The following VDAC1 variants were observed in gnomAD, a reference collection of about 807,000 sequenced individuals.
The protein encoded by VDAC1 is voltage dependent anion channel 1, also known as non-selective voltage-gated ion channel VDAC1.
In VDAC1, 10 loss-of-function variants were observed where a neutral mutation model predicts 34.7. The ratio of observed to expected loss-of-function variants is 0.29; its 90% CI spans 0.18 to 0.49. The LOEUF (loss-of-function observed/expected upper bound fraction) is 0.49. Ranked by LOEUF, VDAC1 falls within the 20% of genes least tolerant of loss-of-function variation. The pLI, the probability that VDAC1 is intolerant of heterozygous loss-of-function variation, is 0.99. For synonymous variants in VDAC1, 130 were observed against 136.0 expected (o/e 0.96, Z 0.30); for missense variants, 230 against 347.9 (o/e 0.66, Z 2.69).
the VDAC1 span, among the ~76,000 whole-genome samples, chr5:134,039,518 CG>C: frequency 0.69 from 104,624 of 151,292 alleles, 36,630 homozygotes; most frequent in Non-Finnish European, 0.76. Context: ...TTAGTAGAGA[CG>C]GGGGTTTCAC....
At chr5:134,018,031 C>G in the VDAC1 span, among the ~76,000 whole-genome samples, 1 of 152,190 alleles carries the variant, frequency 6.6e-6, no homozygotes, top group Non-Finnish European at 1.5e-5. Context: ...TGTGTTAGTC[C>G]GTGTTTGTGT....
At chr5:134,102,745 T>A in the VDAC1 span, among the ~76,000 whole-genome samples, 1 of 152,184 alleles carries the variant, frequency 6.6e-6, no homozygotes, top group Non-Finnish European at 1.5e-5. Flanking sequence ...ATTCATGACA[T>A]GGGTGCTCTG....
intron 1 of VDAC1, among the ~76,000 whole-genome samples, chr5:133,995,594 C>G (rs2126993543): frequency 6.6e-6 from 1 of 152,206 alleles, no homozygotes; most frequent in African/African-American, 2.4e-5. Context: ...TCACTAAAGG[C>G]CCCCAACTGC....
At chr5:134,059,816 G>A in the VDAC1 span, among the ~76,000 whole-genome samples, 4 of 151,620 alleles carry the variant, frequency 2.6e-5, no homozygotes, top group Admixed American at 6.6e-5. Context: ...CAAATTTGAT[G>A]TCTTGTTTGG....
intron 1 of VDAC1, among the ~76,000 whole-genome samples, chr5:134,003,435 C>A (rs1012657604): frequency 6.6e-6 from 1 of 152,232 alleles, no homozygotes; most frequent in African/African-American, 2.4e-5. Context: ...TCTGCTCCTG[C>A]ATTCAAGATC....
At chr5:133,998,154 T>C (rs1753405412) in intron 1 of VDAC1, among the ~76,000 whole-genome samples, 1 of 151,912 alleles carries the variant, frequency 6.6e-6, no homozygotes, top group Non-Finnish European at 1.5e-5. Context: ...TTCCATGTAA[T>C]TGGAGGAAAA....
chr5:134,047,230 A>T, the VDAC1 span, among the ~76,000 whole-genome samples: 23 of 152,244 alleles, frequency 1.5e-4, no homozygotes, highest in African/African-American at 5.5e-4. Flanking sequence ...TTGCATGAAA[A>T]GCCGCCTGCT....
chr5:134,006,748 CAAAA>C (rs36125439), upstream of VDAC1, among the ~76,000 whole-genome samples: 1 of 80,196 alleles, frequency 1.2e-5, no homozygotes, highest in Non-Finnish European at 2.4e-5. Context: ...CCCCCCCCCC[CAAAA>C]AAAAAAAACA....
chr5:134,091,192 G>A, the VDAC1 span, among the ~76,000 whole-genome samples: 21 of 152,216 alleles, frequency 1.4e-4, no homozygotes, highest in Non-Finnish European at 2.8e-4. Flanking sequence ...TCCCTGGACA[G>A]CACAGACAAT....
chr5:134,107,949 G>A, the VDAC1 span, among the ~76,000 whole-genome samples: 10 of 152,322 alleles, frequency 6.6e-5, no homozygotes, highest in African/African-American at 2.2e-4. Flanking sequence ...CCCAGGCTAT[G>A]AGTTTCAAGC....
intron 6 of VDAC1, 162 bp from the exon 7 acceptor site, chr5:133,976,183 A>G: frequency 2.5e-6 from 2 of 784,474 alleles, no homozygotes; most frequent in East Asian, 5.4e-5. Context: ...CAAAACAGGT[A>G]CTAAATTACA....
At chr5:134,071,936 C>T in the VDAC1 span, among the ~76,000 whole-genome samples, 2 of 152,146 alleles carry the variant, frequency 1.3e-5, no homozygotes, top group Non-Finnish European at 2.9e-5. The surrounding 1 kb of genome is among the most constrained non-coding windows in gnomAD (Gnocchi z 4.1). Context: ...GGGCCTGTCC[C>T]AGGGTAACCC....
At chr5:134,110,363 C>T in the VDAC1 span, among the ~76,000 whole-genome samples, 3 of 152,284 alleles carry the variant, frequency 2.0e-5, no homozygotes, top group African/African-American at 7.2e-5. Context: ...AGAACTGACC[C>T]CAAAGCCCCC....
the VDAC1 span, among the ~76,000 whole-genome samples, chr5:134,016,622 C>A: frequency 2.0e-5 from 3 of 152,290 alleles, no homozygotes; most frequent in Non-Finnish European, 4.4e-5. Context: ...GTCACCATGG[C>A]CTCTGCTAAC....
At chr5:134,026,536 AAAAC>A in the VDAC1 span, among the ~76,000 whole-genome samples, 7 of 151,580 alleles carry the variant, frequency 4.6e-5, no homozygotes. Flanking sequence ...AAAAAAAAAA[AAAAC>A]ACTAAACATT....
the VDAC1 span, among the ~76,000 whole-genome samples, chr5:134,023,691 C>T: frequency 6.6e-6 from 1 of 152,060 alleles, no homozygotes; most frequent in Non-Finnish European, 1.5e-5. Context: ...GTGGTTCCTC[C>T]CCTCTTGGCA....
chr5:134,012,455 T>C, the VDAC1 span, among the ~76,000 whole-genome samples: 2 of 152,218 alleles, frequency 1.3e-5, no homozygotes, highest in African/African-American at 4.8e-5. Flanking sequence ...AAAATTGATA[T>C]GTTGAAATCC....
chr5:134,010,056 T>C, the VDAC1 span, among the ~76,000 whole-genome samples: 1 of 152,174 alleles, frequency 6.6e-6, no homozygotes, highest in African/African-American at 2.4e-5. Context: ...AAGAAAGTCA[T>C]ATGAGGTTCA....
the VDAC1 span, among the ~76,000 whole-genome samples, chr5:134,042,809 C>T: frequency 6.6e-6 from 1 of 152,142 alleles, no homozygotes; most frequent in Non-Finnish European, 1.5e-5. Flanking sequence ...AATGGGAGTT[C>T]GGCCAGGCAC....
Sources: gnomAD v4.1 joint callset for allele counts (sites outside exome capture counted in the v4.1 genomes callset) on GRCh38, gnomAD v4.1.1 for gene constraint, Gnocchi (gnomAD v3.1) non-coding constraint, MANE v1.5 for transcripts, NCBI Gene and HGNC (gene_info 2026-07-23, HGNC 2026-07-21) for gene names.